The following FBXL20 variants were observed in gnomAD, a reference collection of about 807,000 sequenced individuals.
FBXL20 encodes the protein F-box/LRR-repeat protein 20.
FBXL20 carries 11 observed loss-of-function variants against 64.0 expected under a neutral mutation model. The observed-to-expected ratio is 0.17, with a 90% confidence interval of 0.11 to 0.28. The LOEUF (loss-of-function observed/expected upper bound fraction) is 0.28, where lower values mean the gene tolerates loss of function less well. Ranked by LOEUF, FBXL20 falls within the 10% of genes least tolerant of loss-of-function variation. The pLI, the probability that FBXL20 is intolerant of heterozygous loss-of-function variation, is 1.00. For synonymous variants in FBXL20, 184 were observed against 189.0 expected, an observed-to-expected ratio of 0.97 and a Z score of 0.22; for missense variants, 303 against 526.2, an observed-to-expected ratio of 0.58 and a Z score of 4.15.
chr17:39,402,267 G>A (rs932867358), upstream of FBXL20: 196 of 1,063,130 alleles, frequency 1.8e-4, 2 homozygotes, highest in African/African-American at 8.0e-3. Context: ...TGCGGCTGCC[G>A]CCGCGCCTCC....
At chr17:39,387,868 G>A (rs557504452) in intron 1 of FBXL20, among the ~76,000 whole-genome samples, 2 of 152,190 alleles carry the variant, frequency 1.3e-5, no homozygotes, top group East Asian at 1.9e-4. Context: ...GTGAGTGACC[G>A]CACCAGGCCT....
At position 39,343,225 on chromosome 17, in the gene FBXL20, T is replaced by C; in HGVS notation, c.59A>G (p.Asp20Gly). The change falls in exon 2 of 15, where the codon GAT (aspartate) becomes GGT (glycine). Residue 20 changes from aspartate (D) to glycine (G), a missense_variant. Coordinates refer to ENST00000264658, the MANE Select transcript of FBXL20 (RefSeq NM_032875.3). Reference sequence around the variant, plus strand: ...AAGTTTTTTATTGATTACAGCTTCATCACTATTTGAGAACATCTGCAAAAA... The same window carrying C: ...AAGTTTTTTATTGATTACAGCTTCACCACTATTTGAGAACATCTGCAAAAA... ...KSRFEMFSNS[D>G]EAVINKKLPK... The C allele has an allele frequency of 6.2e-7, 1 of 1,600,962 alleles. No individual in the cohort carries two copies. The highest frequency in any genetic ancestry group is 8.5e-7 in the Non-Finnish European group (1 of 1,175,650).
chr17:39,301,790 G>A (rs567075454), intron 3 of FBXL20, among the ~76,000 whole-genome samples: 105 of 152,064 alleles, frequency 6.9e-4, no homozygotes, highest in African/African-American at 2.4e-3. Flanking sequence ...CCAGCTATTC[G>A]GGAGGCTGAG....
chr17:39,262,891 A>C (rs1312696825), intron 14 of FBXL20, among the ~76,000 whole-genome samples: 1 of 151,702 alleles, frequency 6.6e-6, no homozygotes, highest in East Asian at 2.0e-4. Flanking sequence ...AGTCCCAGCT[A>C]CTGGGGAGGC....
chr17:39,369,158 A>T (rs984886415), intron 1 of FBXL20, among the ~76,000 whole-genome samples: 1 of 152,066 alleles, frequency 6.6e-6, no homozygotes, highest in Non-Finnish European at 1.5e-5. Context: ...GAAGTACTGG[A>T]TAAAAATCAT....
chr17:39,358,850 G>A (rs992866180), intron 1 of FBXL20, among the ~76,000 whole-genome samples: 4 of 151,870 alleles, frequency 2.6e-5, no homozygotes, highest in African/African-American at 7.3e-5. Flanking sequence ...CCTACAAACT[G>A]AAAAACAAAC....
intron 2 of FBXL20, among the ~76,000 whole-genome samples, chr17:39,306,854 TTAAA>T (rs146148330): frequency 6.6e-6 from 1 of 152,290 alleles, no homozygotes; most frequent in East Asian, 1.9e-4. Context: ...TGATAATAAA[TTAAA>T]TAAGCTGGGA....
intron 9 of FBXL20, among the ~76,000 whole-genome samples, chr17:39,278,236 C>T (rs2046916878): frequency 6.6e-6 from 1 of 152,132 alleles, no homozygotes; most frequent in South Asian, 2.1e-4. Flanking sequence ...ACATCTGCCT[C>T]CCAGGTTCAA....
intron 1 of FBXL20, among the ~76,000 whole-genome samples, chr17:39,368,286 G>T (rs1340752517): frequency 1.3e-5 from 2 of 152,094 alleles, no homozygotes; most frequent in Non-Finnish European, 1.5e-5. Context: ...TAGCTACTCA[G>T]GAGGCTAAGG....
intron 2 of FBXL20, among the ~76,000 whole-genome samples, chr17:39,334,484 A>T (rs1006259575): frequency 4.8e-5 from 5 of 103,610 alleles, no homozygotes; most frequent in African/African-American, 2.7e-4. Flanking sequence ...AAAAAAATTA[A>T]AAAAAAAAAA....
Position 39,257,085 on chromosome 17 carries a change from A to G in FBXL20, c.*4375T>C, listed in dbSNP as rs1257986943. 6.6e-6 allele frequency: 1 copy of G among 152,074 alleles called. No individual in the cohort carries two copies. The highest frequency in any genetic ancestry group is 1.5e-5 in the Non-Finnish European group (1 of 68,078). The allele number at this position is 152,074 out of a possible 1,614,324, so 9.4% of individuals were successfully genotyped here. ...CTGCAACCTCCACCTCCCGGGTTCA[A>G]GCAATTCTCTGCCTCAGCCTCCCGA... On this transcript the variant is annotated 3_prime_UTR_variant, in exon 15 of 15. Transcript: ENST00000264658.
intron 2 of FBXL20, among the ~76,000 whole-genome samples, chr17:39,333,254 T>C (rs1047313674): frequency 1.3e-5 from 2 of 152,292 alleles, no homozygotes; most frequent in Non-Finnish European, 2.9e-5. Context: ...TGCCTGATTC[T>C]CCTGCCTCAG....
intron 13 of FBXL20, 72 bp downstream of exon 13, chr17:39,265,325 G>A: frequency 8.4e-7 from 1 of 1,187,676 alleles, no homozygotes; most frequent in African/African-American, 1.5e-5. Flanking sequence ...ACTAAGAGCT[G>A]GGTTCTTGAA....
intron 2 of FBXL20, among the ~76,000 whole-genome samples, chr17:39,320,839 A>G (rs2047348869): frequency 6.6e-6 from 1 of 152,062 alleles, no homozygotes; most frequent in Non-Finnish European, 1.5e-5. Flanking sequence ...CAAGTGATCC[A>G]CTGGCCTTGG....
In FBXL20 at chr17:39,260,905, G is replaced by A. The variant is rs527411882; in HGVS notation, c.*555C>T. On this transcript the variant is annotated 3_prime_UTR_variant, in exon 15 of 15. Transcript: ENST00000264658. ...ATACTAAAACACAGGAGGAATGGACGAGCCTTCTTTGTGAGCATGCTCAGC... is the reference window on the plus strand; with the variant it reads ...ATACTAAAACACAGGAGGAATGGACAAGCCTTCTTTGTGAGCATGCTCAGC... The A allele has an allele frequency of 3.2e-4, 50 of 155,736 alleles. No individual in the cohort carries two copies. The highest frequency in any genetic ancestry group is 1.1e-3 in the African/African-American group (47 of 41,580). The allele number at this position is 155,736 out of a possible 1,614,324, so 9.6% of individuals were successfully genotyped here.
At chr17:39,319,870 C>T (rs1035075347) in intron 2 of FBXL20, among the ~76,000 whole-genome samples, 1 of 151,982 alleles carries the variant, frequency 6.6e-6, no homozygotes, top group Admixed American at 6.6e-5. Flanking sequence ...CGCCAACTTC[C>T]CAAAGTGCTG....
intron 1 of FBXL20, among the ~76,000 whole-genome samples, chr17:39,380,946 G>A (rs909244253): frequency 1.3e-5 from 2 of 151,804 alleles, no homozygotes; most frequent in Admixed American, 1.3e-4. Flanking sequence ...GATTGCCTAA[G>A]GTCAGGAGTT....
intron 8 of FBXL20, 51 bp from the exon 9 acceptor site, chr17:39,281,514 G>A: frequency 6.7e-7 from 1 of 1,485,880 alleles, no homozygotes; most frequent in Non-Finnish European, 9.3e-7. Context: ...TTGTCTCAAA[G>A]GAAAGAGATT....
At chr17:39,284,287 T>C (rs531115927) in intron 7 of FBXL20, among the ~76,000 whole-genome samples, 56 of 152,350 alleles carry the variant, frequency 3.7e-4, no homozygotes, top group African/African-American at 1.3e-3. Context: ...TTTATTAGCC[T>C]ACACAGCAAA....
Sources: allele counts gnomAD v4.1 joint callset (sites outside exome capture counted in the v4.1 genomes callset), GRCh38; gene constraint gnomAD v4.1.1; transcripts MANE v1.5; gene names NCBI Gene and HGNC (gene_info 2026-07-23, HGNC 2026-07-21).